The following ADCY2 variants were observed in gnomAD, a reference collection of about 807,000 sequenced individuals.
ADCY2 encodes adenylate cyclase 2.
A neutral mutation model predicts 125.2 loss-of-function variants in ADCY2; 31 were observed. That is an observed-to-expected ratio of 0.25 (90% CI 0.19 to 0.33). ADCY2 has a LOEUF of 0.33. Among genes scored for constraint, ADCY2 ranks in the 10% least tolerant of loss-of-function variants. ADCY2 has a pLI of 1.00. For missense variants in ADCY2, 904 were observed against 1,418.2 expected (o/e 0.64, Z 5.82); for synonymous variants, 512 against 548.4 (o/e 0.93, Z 0.93).
At chr5:7,795,904 C>CA (rs34493894) in intron 20 of ADCY2, 2 of 151,952 alleles carry the variant, frequency 1.3e-5, no homozygotes, top group African/African-American at 2.4e-5. Flanking sequence ...TACTGTATTG[C>CA]AAAAAATGCT....
At chr5:7,557,201 A>AT in intron 3 of ADCY2, among the ~76,000 whole-genome samples, 5 of 140,116 alleles carry the variant, frequency 3.6e-5, no homozygotes, top group African/African-American at 5.3e-5. Context: ...TGATATATAT[A>AT]ACTCAAGTGA....
chr5:7,442,222 C>G (rs964947678), intron 2 of ADCY2, among the ~76,000 whole-genome samples: 2 of 152,114 alleles, frequency 1.3e-5, no homozygotes, highest in African/African-American at 4.8e-5. Context: ...TCCTGTGTGT[C>G]TTCTCATCCA....
At chr5:7,724,114 C>A (rs913825934) in intron 12 of ADCY2, among the ~76,000 whole-genome samples, 174 of 76,552 alleles carry the variant, frequency 2.3e-3, no homozygotes, top group African/African-American at 3.9e-3. Flanking sequence ...TAGAAGCTAA[C>A]AAAAAAAAAA....
At chr5:7,432,446 C>G (rs1740639083) in intron 2 of ADCY2, among the ~76,000 whole-genome samples, 1 of 152,220 alleles carries the variant, frequency 6.6e-6, no homozygotes, top group African/African-American at 2.4e-5. Context: ...CCACTAGATG[C>G]TGCTGCAGGG....
intron 3 of ADCY2, among the ~76,000 whole-genome samples, chr5:7,551,438 G>T (rs369021938): frequency 1.3e-5 from 2 of 152,112 alleles, no homozygotes; most frequent in African/African-American, 4.8e-5. Flanking sequence ...GCAGGGAAGC[G>T]TCAAGATCAG....
At chr5:7,705,771 G>A (rs1324493326) in intron 7 of ADCY2, among the ~76,000 whole-genome samples, 2 of 152,156 alleles carry the variant, frequency 1.3e-5, no homozygotes, top group African/African-American at 4.8e-5. Flanking sequence ...AAAGGAAATG[G>A]GGAAGGAAAA....
Position 7,693,406 on chromosome 5 carries a change from GTTTTTTGTTTTTTT to G in ADCY2, c.870-2339_870-2326del, listed in dbSNP as rs1319865843. 3.6e-4 allele frequency among the ~76,000 whole-genome samples: 21 copies of G among 58,664 alleles called. 2 individuals carry two copies. Among genetic ancestry groups the G allele is most frequent in the African/African-American group, 9.6e-4 (17 of 17,682 alleles). The allele number at this position is 58,664 out of a possible 152,430, so 38.5% of individuals were successfully genotyped here. A position where few individuals can be genotyped will look rare whatever the true frequency, so the allele number is the denominator to read the frequency against. ...GTACCTTGCATCACAATTGCCTGCT[GTTTTTTGTTTTTTT>G]TTTTTTTTTTTTTTTTGAGACGGAG... On this transcript the variant is annotated intron_variant, in intron 5 of 24. Transcript: ENST00000338316.
At chr5:7,673,269 A>AAAAAT (rs1554030659) in intron 4 of ADCY2, among the ~76,000 whole-genome samples, 1 of 3,930 alleles carries the variant, frequency 2.5e-4, no homozygotes, top group Non-Finnish European at 5.5e-4. Flanking sequence ...AAAAAAAAAA[A>AAAAAT]ATATATATAT....
chr5:7,826,565 C>A (rs1340365359), intron 24 of ADCY2, 154 bp from the exon 25 acceptor site: 2 of 967,886 alleles, frequency 2.1e-6, no homozygotes, highest in Non-Finnish European at 1.6e-6. Flanking sequence ...ACCTTTTTTT[C>A]TTGTGGATTA....
In ADCY2 at chr5:7,579,197, A is replaced by G. The variant is rs538495200; in HGVS notation, c.571-46970A>G. ...TGAAGGCACTGGAAAGTGGCCCAAAAGAAACAGAGCTACGTTGGAGTCAAT... is the reference window on the plus strand; with the variant it reads ...TGAAGGCACTGGAAAGTGGCCCAAAGGAAACAGAGCTACGTTGGAGTCAAT... On this transcript the variant is annotated intron_variant, in intron 3 of 24. Transcript: ENST00000338316. Among the ~76,000 whole-genome samples, 3 of 152,308 alleles carry G rather than the reference A, an allele frequency of 2.0e-5. No individual in the cohort carries two copies. In the South Asian group the frequency reaches 6.2e-4, roughly 32 times the overall value.
In ADCY2 at chr5:7,553,222, T is replaced by C. The variant is rs181884832; in HGVS notation, c.570+32323T>C. On this transcript the variant is annotated intron_variant, in intron 3 of 24. Coordinates refer to ENST00000338316, the MANE Select transcript of ADCY2 (RefSeq NM_020546.3). ...ATGTTCCATATCTTGACTGTTCTGG[T>C]GCCTAAATAGGATCCCAGATTCATC... Among the ~76,000 whole-genome samples, 26 of 152,348 alleles carry C rather than the reference T, an allele frequency of 1.7e-4. No individual in the cohort carries two copies. The East Asian group carries it at 2.5e-3, about 15-fold the overall frequency.
intron 8 of ADCY2, among the ~76,000 whole-genome samples, chr5:7,707,342 G>A (rs989432937): frequency 1.2e-4 from 18 of 152,276 alleles, no homozygotes; most frequent in East Asian, 7.7e-4. Context: ...AGAGAAGCAC[G>A]AGAGCAAGCA....
intron 3 of ADCY2, among the ~76,000 whole-genome samples, chr5:7,589,193 C>A (rs1001278466): frequency 2.0e-5 from 3 of 151,898 alleles, no homozygotes; most frequent in Non-Finnish European, 4.4e-5. Context: ...CTTATTCACC[C>A]TAATTTATTT....
chr5:7,451,914 TTTTG>T (rs906832151), intron 2 of ADCY2, among the ~76,000 whole-genome samples: 8 of 152,056 alleles, frequency 5.3e-5, no homozygotes, highest in African/African-American at 1.9e-4. Context: ...TTTGTTTTCT[TTTTG>T]TTTGTTTTAT....
intron 14 of ADCY2, among the ~76,000 whole-genome samples, chr5:7,736,385 T>G (rs1742254113): frequency 6.6e-6 from 1 of 152,232 alleles, no homozygotes; most frequent in Non-Finnish European, 1.5e-5. Flanking sequence ...GTCAGTTTTG[T>G]GTGTCACAAC....
At chr5:7,601,282 T>C (rs561161200) in intron 3 of ADCY2, among the ~76,000 whole-genome samples, 2 of 152,182 alleles carry the variant, frequency 1.3e-5, no homozygotes, top group South Asian at 4.1e-4. Flanking sequence ...AAGTTATTAA[T>C]AGCTCAATTT....
At chr5:7,499,650 T>G (rs1310403363) in intron 2 of ADCY2, among the ~76,000 whole-genome samples, 1 of 20,348 alleles carries the variant, frequency 4.9e-5, no homozygotes, top group South Asian at 1.7e-3. Flanking sequence ...TGTGGGTGGA[T>G]ATATATATAT....
At chr5:7,708,162 C>T (rs1741324784) in intron 9 of ADCY2, 1 of 197,764 alleles carries the variant, frequency 5.1e-6, no homozygotes, top group African/African-American at 2.3e-5. Context: ...CTGTTGATAC[C>T]TGTCAGTTGG....
intron 12 of ADCY2, 88 bp from the exon 13 acceptor site, chr5:7,724,457 A>AAG: frequency 9.8e-7 from 1 of 1,021,890 alleles, no homozygotes; most frequent in Non-Finnish European, 1.5e-6. Context: ...ACAATAAAGA[A>AAG]AGAAGATCGC....
Sources: gnomAD v4.1 joint callset for allele counts (sites outside exome capture counted in the v4.1 genomes callset) on GRCh38, gnomAD v4.1.1 for gene constraint, MANE v1.5 for transcripts, NCBI Gene and HGNC (gene_info 2026-07-23, HGNC 2026-07-21) for gene names.